AMMECR1: variants seen among roughly 807,000 people sequenced by gnomAD.
AMMECR1 encodes the protein nuclear protein AMMECR1.
Under a neutral mutation model 22.5 loss-of-function variants are expected in AMMECR1, and 3 were observed. The ratio of observed to expected loss-of-function variants is 0.13; its 90% CI spans 0.06 to 0.35. The LOEUF is 0.35. Ranked by LOEUF, AMMECR1 falls within the 10% of genes least tolerant of loss-of-function variation. The pLI is 1.00. For missense variants in AMMECR1, 235 were observed against 278.7 expected, an observed-to-expected ratio of 0.84 and a Z score of 1.12; for synonymous variants, 130 against 116.7, an observed-to-expected ratio of 1.11 and a Z score of -0.74.
At position 110,197,664 on chromosome X, in the gene AMMECR1, T is replaced by C. The variant is rs2067377316; in HGVS notation, c.*856A>G. On this transcript the variant is annotated 3_prime_UTR_variant, in exon 6 of 6. Transcript: ENST00000262844. ...TTCTTCTCAAAGGCACTAAATTCTG[T>C]ATCTGCTCTCTTCCTAATATTTGCT... The C allele has an allele frequency of 8.9e-6, 1 of 112,203 alleles. No individual in the cohort carries two copies. Among genetic ancestry groups the C allele is most frequent in the African/African-American group, 3.2e-5 (1 of 30,838 alleles). The allele number at this position is 112,203 out of a possible 1,213,427, so 9.2% of individuals were successfully genotyped here.
At chrX:110,399,454 T>C (rs1000684344) in intron 2 of AMMECR1, among the ~76,000 whole-genome samples, 14 of 112,335 alleles carry the variant, frequency 1.2e-4, no homozygotes, top group African/African-American at 4.5e-4. Context: ...ATGACCCTGG[T>C]CCCACTGCTT....
intron 2 of AMMECR1, among the ~76,000 whole-genome samples, chrX:110,392,460 T>A (rs2224818): frequency 0.012 from 1,354 of 110,634 alleles, 15 homozygotes; most frequent in Middle Eastern, 0.032. Context: ...TTATTTTTAT[T>A]TTTGTAGAGA....
chrX:110,250,474 G>A (rs776412553), intron 2 of AMMECR1, among the ~76,000 whole-genome samples: 41 of 111,900 alleles, frequency 3.7e-4, no homozygotes, highest in Non-Finnish European at 2.1e-4. Context: ...ATGGGTGGGT[G>A]GATGAGACTC....
At chrX:110,383,168 C>A (rs1178557096) in intron 2 of AMMECR1, among the ~76,000 whole-genome samples, 1 of 111,635 alleles carries the variant, frequency 9.0e-6, no homozygotes, top group African/African-American at 3.3e-5. Context: ...TGCACCCAAC[C>A]TGATGGTAGA....
chrX:110,428,706 T>G (rs2068772639), intron 1 of AMMECR1, among the ~76,000 whole-genome samples: 1 of 111,330 alleles, frequency 9.0e-6, no homozygotes, highest in South Asian at 3.8e-4. Flanking sequence ...AATATCAAAG[T>G]GGAATTCCAG....
At chrX:110,408,680 T>G (rs1602979180) in intron 2 of AMMECR1, among the ~76,000 whole-genome samples, 1 of 112,381 alleles carries the variant, frequency 8.9e-6, no homozygotes, top group African/African-American at 3.2e-5. Flanking sequence ...ACAATTGTGA[T>G]GTTGCTTTTG....
intron 1 of AMMECR1, among the ~76,000 whole-genome samples, chrX:110,309,903 G>A (rs1205426984): frequency 8.9e-6 from 1 of 112,575 alleles, no homozygotes; most frequent in African/African-American, 3.2e-5. Flanking sequence ...CTTGCTCAAG[G>A]CTGTACTATG....
chrX:110,414,783 T>C (rs777393348), intron 2 of AMMECR1, among the ~76,000 whole-genome samples: 3 of 112,583 alleles, frequency 2.7e-5, no homozygotes, highest in African/African-American at 9.7e-5. Context: ...ACTACTCTGC[T>C]TAAAGTCCTT....
At chrX:110,306,395 A>G (rs1308671628) in intron 1 of AMMECR1, among the ~76,000 whole-genome samples, 1 of 112,286 alleles carries the variant, frequency 8.9e-6, no homozygotes, top group African/African-American at 3.2e-5. Context: ...AAAAATAAAT[A>G]CCTCGAAGCC....
At position 110,198,626 on chromosome X, in the gene AMMECR1, C is replaced by G; in HGVS notation, c.896G>C (p.Ser299Thr). ...AGCATAGCTCAGGGTCATCTTTTCA[C>G]TACGATACCTGAAAGAAAGTCAGGG... ...RKTIKLTRYR[S>T]EKMTLSYAEY... The change falls in exon 6 of 6, where the codon AGT becomes ACT. Residue 299 changes from serine (S) to threonine (T), a missense_variant. By Grantham distance (58) the Ser-to-Thr change is moderately conservative. Around this residue, in one of 2 missense-constraint regions of AMMECR1, gnomAD observed 111 missense variants for 181.7 expected, o/e 0.61. Transcript: ENST00000262844. The G allele has an allele frequency of 8.4e-7, 1 of 1,188,451 alleles. No homozygotes were observed. Among genetic ancestry groups the G allele is most frequent in the Non-Finnish European group, 1.1e-6 (1 of 875,166 alleles).
At chrX:110,439,743 G>T (rs1242416432) in intron 1 of AMMECR1, 1 of 110,784 alleles carries the variant, frequency 9.0e-6, no homozygotes, top group African/African-American at 3.3e-5. Context: ...AGTTTCGGGC[G>T]AAGGGGAGCC....
intron 1 of AMMECR1, among the ~76,000 whole-genome samples, chrX:110,302,635 G>A (rs185180978): frequency 1.8e-5 from 2 of 111,334 alleles, no homozygotes; most frequent in Admixed American, 1.9e-4. Flanking sequence ...CACTTTGGGA[G>A]GCCGAAGTGG....
chrX:110,326,434 G>GT (rs746922304), intron 2 of AMMECR1, among the ~76,000 whole-genome samples: 17 of 111,912 alleles, frequency 1.5e-4, no homozygotes, highest in African/African-American at 5.5e-4. Flanking sequence ...ATTTCCTTCT[G>GT]TTTTTTATTT....
chrX:110,200,658 T>C (rs112355002), intron 5 of AMMECR1, among the ~76,000 whole-genome samples: 79 of 111,809 alleles, frequency 7.1e-4, no homozygotes, highest in Middle Eastern at 4.6e-3. Flanking sequence ...AGCTAGCCAA[T>C]TGCTAATTCA....
At chrX:110,225,070 G>C in intron 2 of AMMECR1, 1 of 368,733 alleles carries the variant, frequency 2.7e-6, no homozygotes, top group Non-Finnish European at 5.2e-6. Flanking sequence ...GATCCAAACA[G>C]TTTTGATTGA....
chrX:110,326,296 A>C (rs753437202), intron 2 of AMMECR1, among the ~76,000 whole-genome samples: 1 of 112,117 alleles, frequency 8.9e-6, no homozygotes, highest in South Asian at 3.7e-4. Flanking sequence ...CTGGCCTATA[A>C]GTTTTGATAT....
intron 2 of AMMECR1, among the ~76,000 whole-genome samples, chrX:110,423,783 G>A (rs1281167104): frequency 1.8e-5 from 2 of 112,224 alleles, no homozygotes; most frequent in Non-Finnish European, 3.8e-5. Flanking sequence ...CATTCACTGG[G>A]AATGGTTTGT....
intron 2 of AMMECR1, among the ~76,000 whole-genome samples, chrX:110,249,550 CAA>C (rs1491214547): frequency 9.1e-4 from 101 of 111,400 alleles, no homozygotes; most frequent in Non-Finnish European, 1.7e-3. Context: ...CACACACACA[CAA>C]AACAGAAGTT....
intron 5 of AMMECR1, among the ~76,000 whole-genome samples, chrX:110,200,435 T>C (rs1296070743): frequency 8.9e-6 from 1 of 112,168 alleles, no homozygotes; most frequent in Non-Finnish European, 1.9e-5. Context: ...CAGCAGCCCA[T>C]TTTCCTAAAA....
Sources: gnomAD v4.1 joint callset for allele counts (sites outside exome capture counted in the v4.1 genomes callset) on GRCh38, gnomAD v4.1.1 for gene constraint, gnomAD v4.1.1 regional missense constraint, MANE v1.5 for transcripts, NCBI Gene and HGNC (gene_info 2026-07-23, HGNC 2026-07-21) for gene names.